Variants in GPR176 observed in about 807,000 individuals in gnomAD.
The protein encoded by GPR176 is G protein-coupled receptor 176.
Under a neutral mutation model 35.4 loss-of-function variants are expected in GPR176, and 26 were observed. That is an observed-to-expected ratio of 0.74 (90% CI 0.54 to 1.02). GPR176 has a LOEUF of 1.02. GPR176 is among the 50% of genes least tolerant of loss of function. GPR176 has a pLI of 0.00. For synonymous variants in GPR176, 278 were observed against 271.3 expected (o/e 1.02, Z -0.24); for missense variants, 597 against 665.3 (o/e 0.90, Z 1.13).
At position 39,829,951 on chromosome 15, in the gene GPR176, A is replaced by G. The variant is rs117937571; in HGVS notation, c.173-22693T>C. Among the ~76,000 whole-genome samples, 1,151 of 151,992 alleles carry G rather than the reference A, an allele frequency of 7.6e-3. 12 individuals are homozygous for G. Among genetic ancestry groups the G allele is most frequent in the Non-Finnish European group, 0.011 (724 of 67,954 alleles). Reference sequence around the variant, plus strand: ...TCAAATAACTTTGTATATTCTTAATACCAGTACTGTTATAATTATATAATT... The same window carrying G: ...TCAAATAACTTTGTATATTCTTAATGCCAGTACTGTTATAATTATATAATT... On this transcript the variant is annotated intron_variant, in intron 1 of 2. Coordinates refer to ENST00000561100, the MANE Select transcript of GPR176 (RefSeq NM_007223.3).
chr15:39,838,066 G>A (rs777897502), intron 1 of GPR176, among the ~76,000 whole-genome samples: 2 of 151,092 alleles, frequency 1.3e-5, no homozygotes, highest in Non-Finnish European at 2.9e-5. Context: ...TGCTCATTGA[G>A]TGACTAATGA....
At chr15:39,885,757 C>A (rs2032651572) in intron 1 of GPR176, among the ~76,000 whole-genome samples, 2 of 152,034 alleles carry the variant, frequency 1.3e-5, no homozygotes, top group East Asian at 3.9e-4. Context: ...TTGCTTATGG[C>A]AAGAAAGAAA....
chr15:39,813,820 T>G (rs999604806), intron 1 of GPR176, among the ~76,000 whole-genome samples: 4 of 152,224 alleles, frequency 2.6e-5, no homozygotes, highest in Non-Finnish European at 5.9e-5. Flanking sequence ...TATTTCATTA[T>G]TATACAATGC....
chr15:39,823,132 C>A (rs1331675541), intron 1 of GPR176, among the ~76,000 whole-genome samples: 1 of 152,178 alleles, frequency 6.6e-6, no homozygotes, highest in Non-Finnish European at 1.5e-5. Flanking sequence ...AGTCTTGACC[C>A]TTCTCATGCT....
intron 1 of GPR176, among the ~76,000 whole-genome samples, chr15:39,836,053 C>A (rs776170161): frequency 3.8e-4 from 58 of 152,204 alleles, no homozygotes; most frequent in Non-Finnish European, 7.6e-4. Flanking sequence ...CAAGATCGTG[C>A]CACTGCACTC....
At chr15:39,885,355 CA>C (rs1235113446) in intron 1 of GPR176, among the ~76,000 whole-genome samples, 1 of 152,126 alleles carries the variant, frequency 6.6e-6, no homozygotes, top group Non-Finnish European at 1.5e-5. Context: ...GGATGGCCTC[CA>C]AAGCAAATCA....
chr15:39,879,574 T>C (rs1320100048), intron 1 of GPR176, among the ~76,000 whole-genome samples: 1 of 152,098 alleles, frequency 6.6e-6, no homozygotes, highest in African/African-American at 2.4e-5. Context: ...CCCTTTCCTC[T>C]CTAACCTCTT....
chr15:39,876,534 G>A (rs1204930606), intron 1 of GPR176, among the ~76,000 whole-genome samples: 6 of 151,814 alleles, frequency 4.0e-5, no homozygotes, highest in Non-Finnish European at 8.8e-5. Flanking sequence ...TAATGATGTT[G>A]ATGTTTATGT....
chr15:39,845,825 C>T (rs1220588568), intron 1 of GPR176, among the ~76,000 whole-genome samples: 1 of 152,134 alleles, frequency 6.6e-6, no homozygotes, highest in Non-Finnish European at 1.5e-5. Context: ...GAACTTTGTG[C>T]CTACATCCTG....
At chr15:39,817,905 T>C (rs1282872192) in intron 1 of GPR176, among the ~76,000 whole-genome samples, 2 of 152,232 alleles carry the variant, frequency 1.3e-5, no homozygotes, top group Non-Finnish European at 2.9e-5. Context: ...AAGTTCTAAA[T>C]AGCTCTAAAA....
intron 1 of GPR176, among the ~76,000 whole-genome samples, chr15:39,837,639 T>TAGC (rs761274824): frequency 6.6e-6 from 1 of 152,144 alleles, no homozygotes; most frequent in Non-Finnish European, 1.5e-5. Flanking sequence ...GTAGTAGTAG[T>TAGC]AGCAGCTAAC....
rs544645166 is a variant in GPR176 at position 39,829,257 on chromosome 15, T to TG, written c.173-22000dup. On this transcript the variant is annotated intron_variant, in intron 1 of 2. Transcript: ENST00000561100. The stretch of plus-strand genomic sequence containing the variant: ...AAGATGTGTCGCTGGAAAAGCCACT[T>TG]GGACTCGGGCATCAGAATGGATCAG... 2.2e-4 allele frequency: 322 copies of TG among 1,458,254 alleles called. 3 individuals are homozygous for TG. The South Asian group carries it at 3.8e-3, about 17-fold the overall frequency. 90.3% of individuals were successfully genotyped at this position (1,458,254 alleles called of 1,614,324 possible).
At chr15:39,835,949 T>G (rs536003518) in intron 1 of GPR176, among the ~76,000 whole-genome samples, 40 of 151,906 alleles carry the variant, frequency 2.6e-4, no homozygotes, top group African/African-American at 9.7e-4. Context: ...ACAAAAATTA[T>G]CCAGGCATGG....
chr15:39,911,585 G>T (rs62002534), intron 1 of GPR176, among the ~76,000 whole-genome samples: 34,994 of 152,062 alleles, frequency 0.23, 4,551 homozygotes, highest in Non-Finnish European at 0.3. Flanking sequence ...CTTGAGCAGG[G>T]GCATTCAAAA....
At chr15:39,838,318 A>T (rs1415901981) in intron 1 of GPR176, among the ~76,000 whole-genome samples, 1 of 152,196 alleles carries the variant, frequency 6.6e-6, no homozygotes. Flanking sequence ...GATAAAACTT[A>T]AAACATTCCA....
chr15:39,919,728 C>T lies in GPR176; in HGVS notation c.172+127G>A, dbSNP rs868457261. The T allele has an allele frequency of 9.4e-6, 6 of 639,164 alleles. No homozygotes were observed. In the South Asian group the frequency reaches 2.3e-4, roughly 25 times the overall value. 39.6% of individuals were successfully genotyped at this position (639,164 alleles called of 1,614,324 possible). On this transcript the variant is annotated intron_variant, in intron 1 of 2. Coordinates refer to ENST00000561100, the MANE Select transcript of GPR176 (RefSeq NM_007223.3). ...ACTGCAGCTACCCGGGATCCTTAAG[C>T]TTCCTTCAACTCTCTGCACTTTGCC... is the stretch of plus-strand genomic sequence containing the variant.
intron 1 of GPR176, among the ~76,000 whole-genome samples, chr15:39,893,871 C>A (rs1433711506): frequency 1.4e-5 from 2 of 141,184 alleles, no homozygotes; most frequent in Non-Finnish European, 3.1e-5. Flanking sequence ...AGAGGCGCCC[C>A]TCACCTCCCG....
At chr15:39,807,579 C>A (rs1353590993) in intron 1 of GPR176, 2 of 1,503,130 alleles carry the variant, frequency 1.3e-6, no homozygotes, top group Non-Finnish European at 1.8e-6. Context: ...TAATCCCAGG[C>A]AGTCTGCTCT....
At chr15:39,895,298 A>ACC (rs1449357495) in intron 1 of GPR176, among the ~76,000 whole-genome samples, 9 of 24,004 alleles carry the variant, frequency 3.7e-4, no homozygotes, top group Admixed American at 1.0e-3. Context: ...GAAGAGGGGG[A>ACC]GGGGGAGGGG....
Sources: allele counts gnomAD v4.1 joint callset (sites outside exome capture counted in the v4.1 genomes callset), GRCh38; gene constraint gnomAD v4.1.1; transcripts MANE v1.5; gene names NCBI Gene and HGNC (gene_info 2026-07-23, HGNC 2026-07-21).